The following ANKH variants were observed in gnomAD, a reference collection of about 807,000 sequenced individuals.
ANKH encodes the protein mineralization regulator ANKH.
ANKH carries 15 observed loss-of-function variants against 49.0 expected under a neutral mutation model. The observed-to-expected ratio is 0.31, with a 90% CI of 0.20 to 0.47. The LOEUF is 0.47. Ranked by LOEUF, ANKH falls within the 20% of genes least tolerant of loss-of-function variation. The pLI is 1.00. For synonymous variants in ANKH, 273 were observed against 260.0 expected, an observed-to-expected ratio of 1.05 and a Z score of -0.48; for missense variants, 429 against 652.0, an observed-to-expected ratio of 0.66 and a Z score of 3.72.
chr5:14,841,710 T>C (rs1035356455), intron 1 of ANKH, among the ~76,000 whole-genome samples: 13 of 152,224 alleles, frequency 8.5e-5, no homozygotes, highest in African/African-American at 2.9e-4. Flanking sequence ...AAACTGAAAC[T>C]GTGTCCCCAT....
chr5:14,811,520 T>C (rs1170781490), intron 1 of ANKH, among the ~76,000 whole-genome samples: 3 of 152,184 alleles, frequency 2.0e-5, no homozygotes, highest in African/African-American at 7.2e-5. Context: ...AACTAACCAC[T>C]GAAGAGTATT....
intron 7 of ANKH, among the ~76,000 whole-genome samples, chr5:14,743,938 TCA>T (rs1349918634): frequency 4.6e-5 from 7 of 152,164 alleles, no homozygotes; most frequent in African/African-American, 1.7e-4. Flanking sequence ...AAAAATAATC[TCA>T]GATGAGACCT....
At chr5:14,753,368 A>G (rs901345826) in intron 4 of ANKH, among the ~76,000 whole-genome samples, 1 of 152,212 alleles carries the variant, frequency 6.6e-6, no homozygotes, top group Admixed American at 6.5e-5. Flanking sequence ...GCACCGCGCA[A>G]TTGGAGGAAG....
chr5:14,734,227 G>A (rs781080729), intron 8 of ANKH, among the ~76,000 whole-genome samples: 8 of 151,846 alleles, frequency 5.3e-5, no homozygotes, highest in South Asian at 2.1e-4. Flanking sequence ...CTGCTCTGCC[G>A]TAATCATTTT....
At chr5:14,793,068 T>TATAAATATATATAAAATATATATA (rs199717342) in intron 1 of ANKH, among the ~76,000 whole-genome samples, 5 of 91,822 alleles carry the variant, frequency 5.4e-5, no homozygotes, top group African/African-American at 2.3e-4. Context: ...AAAATATATA[T>TATAAATATATATAAAATATATATA]AAATATATAA....
chr5:14,833,179 T>C (rs1487821477), intron 1 of ANKH, among the ~76,000 whole-genome samples: 1 of 152,228 alleles, frequency 6.6e-6, no homozygotes, highest in East Asian at 1.9e-4. Context: ...CTTCAGATGT[T>C]CAGAGGCAGG....
intron 8 of ANKH, among the ~76,000 whole-genome samples, chr5:14,729,684 C>T (rs865844512): frequency 5.9e-5 from 9 of 151,954 alleles, no homozygotes; most frequent in African/African-American, 2.2e-4. Flanking sequence ...ATACTGAAAC[C>T]GTCTGTGACC....
At chr5:14,783,272 G>A (rs1739864025) in intron 1 of ANKH, among the ~76,000 whole-genome samples, 1 of 145,368 alleles carries the variant, frequency 6.9e-6, no homozygotes, top group Non-Finnish European at 1.5e-5. Flanking sequence ...TGGCACAGAA[G>A]AGGGTCGCCA....
intron 1 of ANKH, among the ~76,000 whole-genome samples, chr5:14,860,231 G>A (rs914782527): frequency 6.6e-6 from 1 of 152,210 alleles, no homozygotes; most frequent in Non-Finnish European, 1.5e-5. Context: ...GTGAGGGAGG[G>A]ACATTCGAAC....
chr5:14,719,885 C>G (rs1737607568), intron 8 of ANKH, among the ~76,000 whole-genome samples: 1 of 152,298 alleles, frequency 6.6e-6, no homozygotes, highest in East Asian at 1.9e-4. Flanking sequence ...AATCCAACAA[C>G]ATAACTTTGG....
At chr5:14,762,481 T>C (rs542607257) in intron 2 of ANKH, among the ~76,000 whole-genome samples, 1 of 152,340 alleles carries the variant, frequency 6.6e-6, no homozygotes, top group South Asian at 2.1e-4. Context: ...TTTTAACTTC[T>C]TTTTATTTCA....
At chr5:14,850,910 TTGCTCTGCAGTACAGA>T (rs1443180600) in intron 1 of ANKH, among the ~76,000 whole-genome samples, 19 of 152,086 alleles carry the variant, frequency 1.2e-4, no homozygotes, top group Non-Finnish European at 1.2e-4. Flanking sequence ...GAAGAAAGTC[TTGCTCTGCAGTACAGA>T]TAAGGAACTG....
chr5:14,827,610 T>G (rs972151713), intron 1 of ANKH, among the ~76,000 whole-genome samples: 1 of 152,200 alleles, frequency 6.6e-6, no homozygotes, highest in Non-Finnish European at 1.5e-5. Flanking sequence ...AGGTATCTCA[T>G]CAGGTAGCAG....
Position 14,711,287 on chromosome 5 carries a change from C to A in ANKH, c.1389G>T (p.Ser463=). ...RKQKKKMENE[S]ATEGEDSAMT... ...TGGCAGAGTCTTCCCCCTCCGTGGC[C>A]GACTCATTCTCCATCTTCTTTTTCT... The change falls in exon 12 of 12, where the codon TCG becomes TCT. Residue 463 remains serine (S), a synonymous_variant. Coordinates refer to ENST00000284268, the MANE Select transcript of ANKH (RefSeq NM_054027.6). 1.2e-6 allele frequency: 2 copies of A among 1,614,104 alleles called. No individual in the cohort carries two copies. The highest frequency in any genetic ancestry group is 1.7e-6 in the Non-Finnish European group (2 of 1,180,002).
rs1738712382 is a variant in ANKH at position 14,751,381 on chromosome 5, G to A, written c.517-142C>T. The A allele has an allele frequency of 5.0e-6, 4 of 798,426 alleles. No individual in the cohort carries two copies. The South Asian group carries it at 6.1e-5, about 12-fold the overall frequency. 49.5% of individuals were successfully genotyped at this position (798,426 alleles called of 1,614,324 possible). On this transcript the variant is annotated intron_variant, in intron 4 of 11. Transcript: ENST00000284268. ...ATGCAAACAGAACCAAAAATTGGAT[G>A]ATGACCCAATGTCGCTCTCATGTAA...
intron 1 of ANKH, among the ~76,000 whole-genome samples, chr5:14,784,187 CTAACAAGG>C (rs1739899972): frequency 6.6e-6 from 1 of 152,234 alleles, no homozygotes; most frequent in Non-Finnish European, 1.5e-5. Flanking sequence ...TTGGTTTTAT[CTAACAAGG>C]TAACAAGGTA....
chr5:14,866,449 C>G (rs1346771066), intron 1 of ANKH, among the ~76,000 whole-genome samples: 2 of 152,090 alleles, frequency 1.3e-5, no homozygotes, highest in Admixed American at 1.3e-4. Context: ...ATACTGAGTA[C>G]CTTTTTAAAA....
rs1490369630 is a variant in ANKH, at chr5:14,707,155, G to A, written c.*4042C>T. 6.6e-6 allele frequency: 1 copy of A among 152,206 alleles called. No homozygotes were observed. Among genetic ancestry groups the A allele is most frequent in the Non-Finnish European group, 1.5e-5 (1 of 68,034 alleles). The allele number at this position is 152,206 out of a possible 1,614,324, so 9.4% of individuals were successfully genotyped here. The stretch of plus-strand genomic sequence containing the variant: ...GGTACTAACCGGCACATGCTGTCCT[G>A]GGCACTGTTCTGCTGGGAGTTACTG... On this transcript the variant is annotated 3_prime_UTR_variant, in exon 12 of 12. Transcript: ENST00000284268.
chr5:14,771,821 T>C (rs1739437291), intron 1 of ANKH, among the ~76,000 whole-genome samples: 1 of 148,738 alleles, frequency 6.7e-6, no homozygotes, highest in African/African-American at 2.5e-5. Flanking sequence ...CTCGGGAGGC[T>C]GAGAGTCACT....
Sources: gnomAD v4.1 joint callset for allele counts (sites outside exome capture counted in the v4.1 genomes callset) on GRCh38, gnomAD v4.1.1 for gene constraint, MANE v1.5 for transcripts, NCBI Gene and HGNC (gene_info 2026-07-23, HGNC 2026-07-21) for gene names.